The following KIAA1217 variants were observed in gnomAD, a reference collection of about 807,000 sequenced individuals.
The protein encoded by KIAA1217 is KIAA1217, also known as sickle tail protein homolog.
In KIAA1217, 88 loss-of-function variants were observed where a neutral mutation model predicts 163.9. That is an observed-to-expected ratio of 0.54 (90% confidence interval 0.45 to 0.64). The LOEUF is 0.64. Ranked by LOEUF, KIAA1217 falls within the 30% of genes least tolerant of loss-of-function variation. The pLI, the probability that KIAA1217 is intolerant of heterozygous loss-of-function variation, is 0.00. For missense variants in KIAA1217, 2,372 were observed against 2,475.0 expected (o/e 0.96, Z 0.88); for synonymous variants, 903 against 923.1 (o/e 0.98, Z 0.39).
chr10:23,772,864 C>T (rs543949703), intron 1 of KIAA1217, among the ~76,000 whole-genome samples: 7 of 152,250 alleles, frequency 4.6e-5, no homozygotes, highest in South Asian at 4.1e-4. Flanking sequence ...GATCGCTTCT[C>T]GGCCTTTTGG....
chr10:24,043,314 T>C (rs1848749934), intron 2 of KIAA1217, among the ~76,000 whole-genome samples: 2 of 152,180 alleles, frequency 1.3e-5, no homozygotes, highest in African/African-American at 2.4e-5. Context: ...AAAAATTGTT[T>C]TAATATTCTC....
chr10:24,360,040 CTTTTTTTTT>C (rs34396312), intron 2 of KIAA1217, among the ~76,000 whole-genome samples: 7 of 94,290 alleles, frequency 7.4e-5, no homozygotes, highest in African/African-American at 3.1e-4. Flanking sequence ...GATATAATTA[CTTTTTTTTT>C]TTTTTTTTTT....
intron 1 of KIAA1217, among the ~76,000 whole-genome samples, chr10:23,733,305 G>C (rs1013771220): frequency 6.6e-6 from 1 of 152,124 alleles, no homozygotes; most frequent in African/African-American, 2.4e-5. Flanking sequence ...GAGCCAAAAT[G>C]TGTGGCCAAA....
At chr10:24,043,683 A>T (rs1287077397) in intron 2 of KIAA1217, among the ~76,000 whole-genome samples, 1 of 152,164 alleles carries the variant, frequency 6.6e-6, no homozygotes, top group Non-Finnish European at 1.5e-5. Context: ...GACTATGTAT[A>T]AAGACATGAA....
At position 24,072,995 on chromosome 10, in the gene KIAA1217, C is replaced by T. The variant is rs566487033; in HGVS notation, c.-171+65621C>T. Among the ~76,000 whole-genome samples, 4 of 150,370 alleles carry T rather than the reference C, an allele frequency of 2.7e-5. No homozygotes were observed. The South Asian group carries it at 8.4e-4, about 32-fold the overall frequency. ...ATCACTTGAGCCTGGGATGTCAAGG[C>T]TGTAGTGAGCCCAAGATCACGCCAC... On this transcript the variant is annotated intron_variant, in intron 2 of 18. Transcript: ENST00000376462.
intron 1 of KIAA1217, among the ~76,000 whole-genome samples, chr10:23,751,583 T>C (rs1839742079): frequency 6.6e-6 from 1 of 152,034 alleles, no homozygotes; most frequent in South Asian, 2.1e-4. Context: ...CCCCTTGAAC[T>C]TACTTTCAGT....
chr10:23,870,844 C>G (rs1271843640), intron 1 of KIAA1217, among the ~76,000 whole-genome samples: 5 of 152,064 alleles, frequency 3.3e-5, no homozygotes, highest in African/African-American at 4.8e-5. Flanking sequence ...TTTATGCCAG[C>G]TGCTTTTACA....
At chr10:24,226,121 G>T (rs976409624) in intron 2 of KIAA1217, among the ~76,000 whole-genome samples, 26 of 151,914 alleles carry the variant, frequency 1.7e-4, no homozygotes, top group Non-Finnish European at 2.9e-4. Context: ...TTTGAACCAG[G>T]GCCAGAATTT....
chr10:23,703,003 C>CT (rs990939390), intron 1 of KIAA1217, among the ~76,000 whole-genome samples: 12 of 151,908 alleles, frequency 7.9e-5, no homozygotes, highest in Non-Finnish European at 1.3e-4. Context: ...TTCTGGTTGC[C>CT]TTTTTTTGCC....
At position 24,483,541 on chromosome 10, in the gene KIAA1217, GT is replaced by G. The variant is rs555788597; in HGVS notation, c.1679+9488del. ...ACTAGAGAGACCAAATATAGCAAATGTTTTTTTCTTTTCCCTAAGAGTCATT... is the reference window on the plus strand; with the variant it reads ...ACTAGAGAGACCAAATATAGCAAATGTTTTTTCTTTTCCCTAAGAGTCATT... On this transcript the variant is annotated intron_variant, in intron 6 of 20. Coordinates refer to ENST00000376454, the MANE Select transcript of KIAA1217 (RefSeq NM_019590.5). 7.2e-5 allele frequency among the ~76,000 whole-genome samples: 11 copies of G among 152,254 alleles called. 1 individual carries two copies. Among genetic ancestry groups the G allele is most frequent in the South Asian group, 6.2e-4 (3 of 4,824 alleles).
At chr10:23,962,904 C>A (rs1844878636) in intron 1 of KIAA1217, among the ~76,000 whole-genome samples, 1 of 152,092 alleles carries the variant, frequency 6.6e-6, no homozygotes, top group South Asian at 2.1e-4. Context: ...GAGGTGGACA[C>A]CAGGTCAGAT....
intron 2 of KIAA1217, among the ~76,000 whole-genome samples, chr10:24,345,072 G>T (rs569035532): frequency 4.6e-5 from 7 of 152,274 alleles, no homozygotes; most frequent in Admixed American, 4.6e-4. Context: ...GTGACAAAAG[G>T]GGTATATAGT....
At chr10:24,313,684 T>C (rs2042991929) in intron 2 of KIAA1217, among the ~76,000 whole-genome samples, 1 of 152,122 alleles carries the variant, frequency 6.6e-6, no homozygotes, top group South Asian at 2.1e-4. Flanking sequence ...TTTGAGTGTT[T>C]ATAGATTGCA....
chr10:23,705,375 G>A (rs1577530), intron 1 of KIAA1217, among the ~76,000 whole-genome samples: 35,207 of 151,996 alleles, frequency 0.23, 4,624 homozygotes, highest in African/African-American at 0.35. Flanking sequence ...TAAAAGTTTT[G>A]TAATTTTAGC....
intron 1 of KIAA1217, among the ~76,000 whole-genome samples, chr10:23,772,602 T>C (rs1337180670): frequency 6.6e-6 from 1 of 152,176 alleles, no homozygotes; most frequent in African/African-American, 2.4e-5. Context: ...AGAAATGTGA[T>C]ACTCTGGGTG....
intron 1 of KIAA1217, among the ~76,000 whole-genome samples, chr10:23,767,720 G>A (rs1234481531): frequency 1.3e-5 from 2 of 152,162 alleles, no homozygotes; most frequent in African/African-American, 2.4e-5. Context: ...TGATGCATTT[G>A]CATGGGGGCA....
intron 6 of KIAA1217, among the ~76,000 whole-genome samples, chr10:24,490,834 T>C (rs758122794): frequency 1.3e-5 from 2 of 152,176 alleles, no homozygotes; most frequent in Non-Finnish European, 2.9e-5. Context: ...GCAGCGTGTC[T>C]CTTTCCTGGT....
At chr10:23,784,616 G>A (rs1221719330) in intron 1 of KIAA1217, among the ~76,000 whole-genome samples, 1 of 151,696 alleles carries the variant, frequency 6.6e-6, no homozygotes, top group Non-Finnish European at 1.5e-5. Context: ...TATCTTTTGT[G>A]CATTTAGTAT....
Position 23,716,474 on chromosome 10 carries a change from A to C in KIAA1217, c.-321+21240A>C, listed in dbSNP as rs532186302. Among the ~76,000 whole-genome samples, 4 of 152,310 alleles carry C rather than the reference A, an allele frequency of 2.6e-5. No homozygotes were observed. The South Asian group carries it at 6.2e-4, about 24-fold the overall frequency. ...ATCACCAATTATTAATTAAGACATA[A>C]ATTTCCTATATACAGTCATACCTAC... On this transcript the variant is annotated intron_variant, in intron 1 of 18. Coordinates refer to the KIAA1217 transcript ENST00000376462.
Sources: gnomAD v4.1 joint callset for allele counts (sites outside exome capture counted in the v4.1 genomes callset) on GRCh38, gnomAD v4.1.1 for gene constraint, MANE v1.5 for transcripts, NCBI Gene and HGNC (gene_info 2026-07-23, HGNC 2026-07-21) for gene names.